The following METTL2B variants were observed in gnomAD, a reference collection of about 807,000 sequenced individuals.
METTL2B encodes the protein methyltransferase 2B, tRNA N3-cytidine.
In METTL2B, 28 loss-of-function variants were observed where a neutral mutation model predicts 51.0. That is an observed-to-expected ratio of 0.55 (90% CI 0.41 to 0.75). METTL2B has a LOEUF of 0.75. Ranked by LOEUF, METTL2B falls within the 30% of genes least tolerant of loss-of-function variation. The probability of loss-of-function intolerance (pLI) is 0.00; values close to 1 mark genes in which losing one functional copy is unlikely to be tolerated. For missense variants in METTL2B, 313 were observed against 460.7 expected (o/e 0.68, Z 2.93); for synonymous variants, 128 against 166.3 (o/e 0.77, Z 1.77).
intron 4 of METTL2B, among the ~76,000 whole-genome samples, chr7:128,481,818 T>G (rs1799876185): frequency 6.6e-6 from 1 of 152,126 alleles, no homozygotes; most frequent in African/African-American, 2.4e-5. Flanking sequence ...AATTTTTGTT[T>G]ATTTTTTGTA....
chr7:128,478,394 G>C (rs1489717933), intron 2 of METTL2B, among the ~76,000 whole-genome samples: 1 of 151,702 alleles, frequency 6.6e-6, no homozygotes, highest in South Asian at 2.1e-4. Flanking sequence ...GGGACTACAG[G>C]TGTGCACCAC....
At chr7:128,499,464 C>A (rs1473908455) in intron 7 of METTL2B, among the ~76,000 whole-genome samples, 1 of 151,484 alleles carries the variant, frequency 6.6e-6, no homozygotes, top group African/African-American at 2.4e-5. Context: ...CCACCTTGGC[C>A]TCCCAAAATG....
At chr7:128,489,659 C>T (rs1200795726) in intron 5 of METTL2B, among the ~76,000 whole-genome samples, 3 of 122,092 alleles carry the variant, frequency 2.5e-5, no homozygotes, top group East Asian at 2.6e-4. Flanking sequence ...GACGGAGTCT[C>T]GCTCTGTCGC....
At chr7:128,477,368 G>A (rs1799816121) in intron 2 of METTL2B, among the ~76,000 whole-genome samples, 195 bp downstream of exon 2, 2 of 152,182 alleles carry the variant, frequency 1.3e-5, no homozygotes. Context: ...TTAAGTCGTA[G>A]AGGGTTTTTT....
At chr7:128,493,672 A>C (rs1165184231) in intron 5 of METTL2B, 132 bp from the exon 6 acceptor site, 1 of 1,361,142 alleles carries the variant, frequency 7.3e-7, no homozygotes, top group Non-Finnish European at 9.9e-7. Flanking sequence ...GCCTCAAGAA[A>C]AAAAAGAAAA....
chr7:128,492,939 C>G (rs1246458646), intron 5 of METTL2B, among the ~76,000 whole-genome samples: 1 of 151,932 alleles, frequency 6.6e-6, no homozygotes, highest in Admixed American at 6.6e-5. Flanking sequence ...TGTCTCTCTC[C>G]TTATGAATGT....
chr7:128,498,853 C>T (rs1301714996), intron 7 of METTL2B, among the ~76,000 whole-genome samples: 13 of 152,082 alleles, frequency 8.5e-5, no homozygotes, highest in South Asian at 6.2e-4. Flanking sequence ...ACAAATTAGC[C>T]GGGCATGGTG....
chr7:128,492,572 G>A (rs906751949), intron 5 of METTL2B, among the ~76,000 whole-genome samples: 152 of 151,956 alleles, frequency 1.0e-3, no homozygotes, highest in Admixed American at 2.1e-3. Flanking sequence ...GTGATCCACT[G>A]TGCCTAGCAG....
intron 7 of METTL2B, among the ~76,000 whole-genome samples, chr7:128,499,213 G>C (rs1376618849): frequency 6.6e-6 from 1 of 152,162 alleles, no homozygotes; most frequent in African/African-American, 2.4e-5. Flanking sequence ...AGAGTGTTTA[G>C]TCAGTTCACA....
intron 5 of METTL2B, among the ~76,000 whole-genome samples, chr7:128,492,133 C>T (rs945932240): frequency 4.6e-5 from 7 of 150,818 alleles, no homozygotes; most frequent in East Asian, 2.0e-4. Context: ...ACTGGGACTA[C>T]GGGCACATGC....
Position 128,501,940 on chromosome 7 carries a change from G to T in METTL2B, c.*24G>T. Reference sequence around the variant, plus strand: ...AAGAGGCACCTGCTGCCAACACGATGCAAGCCCGTTGTGTTTCCGAGCTTT... The same window carrying T: ...AAGAGGCACCTGCTGCCAACACGATTCAAGCCCGTTGTGTTTCCGAGCTTT... On this transcript the variant is annotated 3_prime_UTR_variant, in exon 9 of 9. Transcript: ENST00000262432. 1 of 1,612,510 alleles carries T rather than the reference G, an allele frequency of 6.2e-7. No individual in the cohort carries two copies. Among genetic ancestry groups the T allele is most frequent in the Non-Finnish European group, 8.5e-7 (1 of 1,178,972 alleles).
chr7:128,483,675 G>A (rs1313383074), intron 4 of METTL2B, among the ~76,000 whole-genome samples: 4 of 152,206 alleles, frequency 2.6e-5, no homozygotes, highest in East Asian at 3.9e-4. Flanking sequence ...CCGAGTAGTT[G>A]GGATTACAGG....
At position 128,502,789 on chromosome 7, in the gene METTL2B, T is replaced by G. The variant is rs897332668; in HGVS notation, c.*873T>G. 2.2e-5 allele frequency: 7 copies of G among 321,670 alleles called. No individual in the cohort carries two copies. Among genetic ancestry groups the G allele is most frequent in the African/African-American group, 4.6e-5 (2 of 43,348 alleles). The allele number at this position is 321,670 out of a possible 1,614,324, so 19.9% of individuals were successfully genotyped here. On this transcript the variant is annotated 3_prime_UTR_variant, in exon 9 of 9. Coordinates refer to ENST00000262432, the MANE Select transcript of METTL2B (RefSeq NM_018396.3). ...TGGTGGGTGCCTGTAATCCAGCTAC[T>G]CGGGAGGCTGAGGCAGGAGAATCAC... is the stretch of plus-strand genomic sequence containing the variant.
At chr7:128,480,110 C>T (rs962680179) in intron 3 of METTL2B, among the ~76,000 whole-genome samples, 1 of 152,164 alleles carries the variant, frequency 6.6e-6, no homozygotes, top group Non-Finnish European at 1.5e-5. Context: ...AGACAATTTC[C>T]TTACCCTCTC....
Position 128,501,870 on chromosome 7 carries a change from G to C in METTL2B, c.1091G>C (p.Trp364Ser). 1 of 1,614,210 alleles carries C rather than the reference G, an allele frequency of 6.2e-7. No individual in the cohort carries two copies. ...RGKQLTMYRV[W>S]IQCKYCKPLL... ...AAGCAACTGACAATGTACCGGGTTT[G>C]GATTCAGTGCAAATACTGCAAGCCC... The change falls in exon 9 of 9, where the codon TGG becomes TCG. Residue 364 changes from tryptophan to serine, a missense_variant. By Grantham distance (177) the Trp-to-Ser change is radical. Coordinates refer to ENST00000262432, the MANE Select transcript of METTL2B (RefSeq NM_018396.3).
At chr7:128,492,400 C>T (rs1334802186) in intron 5 of METTL2B, among the ~76,000 whole-genome samples, 4 of 151,558 alleles carry the variant, frequency 2.6e-5, no homozygotes, top group South Asian at 2.1e-4. Context: ...TCAGGTAATC[C>T]GCCCACCTCG....
At chr7:128,501,649 A>G in intron 8 of METTL2B, 113 bp from the exon 9 acceptor site, 3 of 1,516,436 alleles carry the variant, frequency 2.0e-6, no homozygotes, top group Non-Finnish European at 2.6e-6. Context: ...CCAAATGGCC[A>G]TGTAAAAAAC....
intron 5 of METTL2B, among the ~76,000 whole-genome samples, chr7:128,490,446 C>G (rs944726433): frequency 1.1e-4 from 16 of 150,854 alleles, no homozygotes; most frequent in Non-Finnish European, 2.2e-4. Context: ...TGAGATGATT[C>G]CATTGGGGTT....
intron 6 of METTL2B, among the ~76,000 whole-genome samples, chr7:128,494,689 G>A (rs1343727316): frequency 2.0e-5 from 3 of 152,000 alleles, no homozygotes; most frequent in South Asian, 2.1e-4. Context: ...ATACAATGGC[G>A]TGATCTAGGC....
Sources: gnomAD v4.1 joint callset for allele counts (sites outside exome capture counted in the v4.1 genomes callset) on GRCh38, gnomAD v4.1.1 for gene constraint, MANE v1.5 for transcripts, NCBI Gene and HGNC (gene_info 2026-07-23, HGNC 2026-07-21) for gene names.